The following NRCAM variants were observed in gnomAD, a reference collection of about 807,000 sequenced individuals.
NRCAM encodes the protein neuronal cell adhesion molecule, also known as NgCAM-related cell adhesion molecule.
In NRCAM, 83 loss-of-function variants were observed where a neutral mutation model predicts 156.5. That is an observed-to-expected ratio of 0.53 (90% CI 0.44 to 0.64). The LOEUF is 0.64. NRCAM is among the 30% of genes least tolerant of loss of function. NRCAM has a pLI of 0.00. For synonymous variants in NRCAM, 538 were observed against 563.9 expected, an observed-to-expected ratio of 0.95 and a Z score of 0.65; for missense variants, 1,417 against 1,597.3, an observed-to-expected ratio of 0.89 and a Z score of 1.92.
chr7:108,181,338 T>C (rs2153311585), intron 24 of NRCAM, among the ~76,000 whole-genome samples: 1 of 152,336 alleles, frequency 6.6e-6, no homozygotes, highest in East Asian at 1.9e-4. Flanking sequence ...AGATAATGGA[T>C]ATTTATCTTT....
At chr7:108,237,169 C>T (rs2095117608) in intron 5 of NRCAM, among the ~76,000 whole-genome samples, 1 of 152,114 alleles carries the variant, frequency 6.6e-6, no homozygotes, top group Non-Finnish European at 1.5e-5. Context: ...CTGTCAAAGG[C>T]AGTGGAAAGT....
intron 1 of NRCAM, among the ~76,000 whole-genome samples, chr7:108,411,393 T>A (rs1183923307): frequency 6.6e-6 from 1 of 152,066 alleles, no homozygotes. Flanking sequence ...TATCATTAGG[T>A]TGGGATTTTT....
chr7:108,309,255 A>C (rs2098764953), intron 3 of NRCAM, among the ~76,000 whole-genome samples: 1 of 152,196 alleles, frequency 6.6e-6, no homozygotes, highest in Non-Finnish European at 1.5e-5. Context: ...AGAGGGAGGA[A>C]GTTAATTTGT....
chr7:108,270,764 G>A (rs1283253772), intron 3 of NRCAM, among the ~76,000 whole-genome samples: 1 of 152,246 alleles, frequency 6.6e-6, no homozygotes, highest in Admixed American at 6.5e-5. Context: ...AGTGAAATAA[G>A]CCAGTCAGAG....
chr7:108,318,113 T>C (rs2098953484), intron 2 of NRCAM, among the ~76,000 whole-genome samples: 2 of 142,890 alleles, frequency 1.4e-5, no homozygotes, highest in Non-Finnish European at 3.0e-5. Flanking sequence ...TGGTGGGATC[T>C]TGGCTCACCG....
chr7:108,346,099 T>C (rs542450119), intron 2 of NRCAM, among the ~76,000 whole-genome samples: 77 of 152,222 alleles, frequency 5.1e-4, no homozygotes, highest in Middle Eastern at 3.4e-3. Flanking sequence ...GGTAAGAAAT[T>C]ATGCAGGCTT....
At chr7:108,381,561 C>CTT (rs71522870) in intron 2 of NRCAM, among the ~76,000 whole-genome samples, 4 of 125,882 alleles carry the variant, frequency 3.2e-5, no homozygotes, top group African/African-American at 5.9e-5. Flanking sequence ...TTTTTTTTTT[C>CTT]TTTTTTTTTT....
chr7:108,260,221 C>T (rs550597770), intron 3 of NRCAM, among the ~76,000 whole-genome samples: 5 of 152,200 alleles, frequency 3.3e-5, no homozygotes, highest in African/African-American at 9.6e-5. Flanking sequence ...AATTTCCTGA[C>T]GTCCAAGAAA....
chr7:108,443,895 C>CAGATAG (rs1554654177), intron 1 of NRCAM, among the ~76,000 whole-genome samples: 6 of 148,394 alleles, frequency 4.0e-5, no homozygotes, highest in Admixed American at 6.7e-5. Context: ...TAGATAGATA[C>CAGATAG]ATACATACAT....
In NRCAM at chr7:108,320,463, C is replaced by T. The variant is rs1020154877; in HGVS notation, c.-173-7732G>A. On this transcript the variant is annotated intron_variant, in intron 2 of 32. Coordinates refer to ENST00000379028, the MANE Select transcript of NRCAM (RefSeq NM_001037132.4). ...CAAAACAAAACAAAACAAAACAAAA[C>T]GGTCTCTTAAGGTACTATTATATAA... Among the ~76,000 whole-genome samples the T allele has an allele frequency of 5.9e-5, 9 of 151,496 alleles. No individual in the cohort carries two copies. In the South Asian group the frequency reaches 1.0e-3, roughly 18 times the overall value.
intron 12 of NRCAM, among the ~76,000 whole-genome samples, chr7:108,208,113 G>C (rs1174484866): frequency 3.4e-5 from 5 of 145,136 alleles, no homozygotes; most frequent in Admixed American, 2.1e-4. Flanking sequence ...GGCCGACATG[G>C]TAAAACCCTG....
chr7:108,375,030 C>CA (rs2099667683), intron 2 of NRCAM, among the ~76,000 whole-genome samples: 1 of 152,016 alleles, frequency 6.6e-6, no homozygotes, highest in South Asian at 2.1e-4. Flanking sequence ...ATTGAGAACA[C>CA]AAAGTATCAG....
chr7:108,207,725 T>C (rs2081922811), intron 12 of NRCAM, 66 bp from the exon 13 acceptor site: 2 of 1,383,380 alleles, frequency 1.4e-6, no homozygotes, highest in African/African-American at 2.9e-5. Flanking sequence ...AAAGAACATA[T>C]TGAACTATTT....
At chr7:108,419,551 TATAGAG>T (rs146213545) in intron 1 of NRCAM, among the ~76,000 whole-genome samples, 144,752 of 151,922 alleles carry the variant, frequency 0.95, 69,018 homozygotes, top group East Asian at 1. Context: ...TGGCAGTATA[TATAGAG>T]TTTGAGGTAT....
intron 3 of NRCAM, among the ~76,000 whole-genome samples, chr7:108,248,847 G>C (rs916134673): frequency 6.6e-6 from 1 of 152,126 alleles, no homozygotes. Flanking sequence ...CTGCCACGGG[G>C]AGCATGGCCT....
intron 3 of NRCAM, among the ~76,000 whole-genome samples, chr7:108,276,705 T>A (rs1289325084): frequency 6.6e-6 from 1 of 152,228 alleles, no homozygotes; most frequent in Non-Finnish European, 1.5e-5. Context: ...CCAGTCTGTG[T>A]CTTTTAATTT....
chr7:108,168,765 C>T (rs1182818352), intron 28 of NRCAM, among the ~76,000 whole-genome samples: 1 of 152,196 alleles, frequency 6.6e-6, no homozygotes, highest in African/African-American at 2.4e-5. Flanking sequence ...GGACAGACGT[C>T]ATCATGGAAT....
At chr7:108,292,820 C>T (rs2098341417) in intron 3 of NRCAM, among the ~76,000 whole-genome samples, 1 of 152,098 alleles carries the variant, frequency 6.6e-6, no homozygotes, top group Non-Finnish European at 1.5e-5. Context: ...AAAAAATTAG[C>T]TGTTGTTATT....
intron 19 of NRCAM, 57 bp downstream of exon 19, chr7:108,191,197 C>A (rs377160942): frequency 1.1e-5 from 15 of 1,409,876 alleles, no homozygotes; most frequent in Non-Finnish European, 1.5e-5. Flanking sequence ...TGAATACTTT[C>A]TGCAAATGTG....
Sources: allele counts gnomAD v4.1 joint callset (sites outside exome capture counted in the v4.1 genomes callset), GRCh38; gene constraint gnomAD v4.1.1; transcripts MANE v1.5; gene names NCBI Gene and HGNC (gene_info 2026-07-23, HGNC 2026-07-21).